Variants in TCERG1L observed in about 807,000 individuals in gnomAD.
TCERG1L encodes the protein transcription elongation regulator 1-like protein.
TCERG1L carries 37 observed loss-of-function variants against 56.3 expected under a neutral mutation model. That is an observed-to-expected ratio of 0.66 (90% CI 0.51 to 0.87). The LOEUF (loss-of-function observed/expected upper bound fraction) is 0.87. TCERG1L is among the 40% of genes least tolerant of loss of function. TCERG1L has a pLI of 0.00. For missense variants in TCERG1L, 799 were observed against 774.2 expected (o/e 1.03, Z -0.38); for synonymous variants, 324 against 326.3 (o/e 0.99, Z 0.08).
At chr10:131,218,119 C>T (rs1025672964) in intron 4 of TCERG1L, among the ~76,000 whole-genome samples, 1 of 152,118 alleles carries the variant, frequency 6.6e-6, no homozygotes, top group Admixed American at 6.5e-5. Context: ...TTGGACACAG[C>T]CCATTTTTTC....
rs58892586 is a variant in TCERG1L, at chr10:131,309,834, C to CAAAAAAAAAA, written c.343-545_343-536dup. On this transcript the variant is annotated intron_variant, in intron 1 of 11. Transcript: ENST00000368642. ...TCACCAATACAAATAGATTCTATGG[C>CAAAAAAAAAA]AAAAAAAAAAAAAAAAAAAAAAAAA... Among the ~76,000 whole-genome samples, 186 of 49,862 alleles carry CAAAAAAAAAA rather than the reference C, an allele frequency of 3.7e-3. 12 individuals are homozygous for CAAAAAAAAAA. Among genetic ancestry groups the CAAAAAAAAAA allele is most frequent in the Non-Finnish European group, 4.6e-3 (132 of 28,718 alleles). 32.7% of individuals were successfully genotyped at this position (49,862 alleles called of 152,430 possible). A position where few individuals can be genotyped will look rare whatever the true frequency, so the allele number is the denominator to read the frequency against.
chr10:131,176,123 T>G (rs1221306201), intron 4 of TCERG1L, among the ~76,000 whole-genome samples: 1 of 152,050 alleles, frequency 6.6e-6, no homozygotes, highest in Admixed American at 6.5e-5. Flanking sequence ...TCCCTCCAAA[T>G]GGGTTGTCAC....
intron 4 of TCERG1L, among the ~76,000 whole-genome samples, chr10:131,191,883 A>AAG (rs1554891549): frequency 7.3e-6 from 1 of 136,138 alleles, no homozygotes; most frequent in Non-Finnish European, 1.6e-5. Context: ...AAAAAAAAAA[A>AAG]AAAAAAGAAA....
chr10:131,137,682 T>C (rs1229933848), intron 7 of TCERG1L, among the ~76,000 whole-genome samples: 1 of 152,208 alleles, frequency 6.6e-6, no homozygotes, highest in Non-Finnish European at 1.5e-5. Context: ...TTAAAGTACA[T>C]GTGTATAATA....
At chr10:131,208,809 G>A (rs1845579687) in intron 4 of TCERG1L, among the ~76,000 whole-genome samples, 1 of 152,170 alleles carries the variant, frequency 6.6e-6, no homozygotes, top group African/African-American at 2.4e-5. Context: ...TGTAATCCCA[G>A]CACTTTGGGA....
intron 4 of TCERG1L, among the ~76,000 whole-genome samples, chr10:131,171,708 T>C (rs1260557979): frequency 8.5e-5 from 13 of 152,314 alleles, no homozygotes; most frequent in Non-Finnish European, 1.9e-4. Context: ...GCAGCTGAGA[T>C]TACAGGCATG....
intron 4 of TCERG1L, among the ~76,000 whole-genome samples, chr10:131,214,475 G>A (rs765135714): frequency 2.0e-5 from 3 of 152,186 alleles, no homozygotes; most frequent in Non-Finnish European, 4.4e-5. Context: ...AAGAAAATTA[G>A]TCTTTCTATA....
At chr10:131,236,935 A>T (rs189276313) in intron 4 of TCERG1L, among the ~76,000 whole-genome samples, 2 of 152,176 alleles carry the variant, frequency 1.3e-5, no homozygotes, top group Admixed American at 1.3e-4. Flanking sequence ...TATTCTCGGT[A>T]GCCAGAGGGA....
intron 2 of TCERG1L, 26 bp from the exon 3 acceptor site, chr10:131,308,417 C>T (rs1323075850): frequency 6.3e-7 from 1 of 1,599,698 alleles, no homozygotes; most frequent in Non-Finnish European, 8.6e-7. Flanking sequence ...GCAAGCATAA[C>T]ACTGAAGGCA....
intron 6 of TCERG1L, among the ~76,000 whole-genome samples, chr10:131,151,283 A>G (rs901612781): frequency 6.6e-6 from 1 of 152,164 alleles, no homozygotes; most frequent in Non-Finnish European, 1.5e-5. Flanking sequence ...CACCTATGAG[A>G]CTGTAAAATC....
intron 4 of TCERG1L, among the ~76,000 whole-genome samples, chr10:131,227,440 T>G (rs1322232399): frequency 6.6e-6 from 1 of 152,156 alleles, no homozygotes; most frequent in Non-Finnish European, 1.5e-5. Context: ...CAGCCCAGCT[T>G]TCCCTGCTGT....
At chr10:131,250,140 G>C (rs934618305) in intron 4 of TCERG1L, among the ~76,000 whole-genome samples, 1 of 152,204 alleles carries the variant, frequency 6.6e-6, no homozygotes, top group African/African-American at 2.4e-5. Flanking sequence ...GCCTGACGGG[G>C]GCTGGCAGAG....
intron 11 of TCERG1L, among the ~76,000 whole-genome samples, chr10:131,093,627 T>TC (rs1845208512): frequency 6.6e-6 from 1 of 152,280 alleles, no homozygotes; most frequent in South Asian, 2.1e-4. Context: ...GCCGCCCCGA[T>TC]CACAGCTTTG....
intron 4 of TCERG1L, among the ~76,000 whole-genome samples, chr10:131,197,841 C>T (rs1265281007): frequency 2.6e-5 from 4 of 152,200 alleles, no homozygotes; most frequent in African/African-American, 9.6e-5. Flanking sequence ...GTTTAAACAA[C>T]TGCAAACATC....
intron 6 of TCERG1L, chr10:131,161,698 G>A (rs1181958936): frequency 2.0e-5 from 3 of 152,212 alleles, no homozygotes; most frequent in Non-Finnish European, 4.4e-5. Context: ...TGACTGGAGG[G>A]CCGTCACTTT....
At chr10:131,111,591 C>A (rs1267636783) in intron 9 of TCERG1L, among the ~76,000 whole-genome samples, 1 of 142,548 alleles carries the variant, frequency 7.0e-6, no homozygotes, top group African/African-American at 2.5e-5. Flanking sequence ...AGGAAGGAAG[C>A]AATCTGTCAC....
intron 4 of TCERG1L, among the ~76,000 whole-genome samples, chr10:131,199,734 C>T (rs1845409092): frequency 6.6e-6 from 1 of 152,190 alleles, no homozygotes; most frequent in Admixed American, 6.5e-5. Flanking sequence ...ACATACCAGG[C>T]ACCATCATCA....
Position 131,101,085 on chromosome 10 carries a change from A to C in TCERG1L, c.1486-2661T>G, listed in dbSNP as rs569971856. Among the ~76,000 whole-genome samples, 6 of 152,354 alleles carry C rather than the reference A, an allele frequency of 3.9e-5. No homozygotes were observed. In the East Asian group the frequency reaches 7.7e-4, roughly 20 times the overall value. On this transcript the variant is annotated intron_variant, in intron 10 of 11. Transcript: ENST00000368642. ...TTTCCCCAGGCAATGGGTACTTAGC[A>C]TGAGCTATATTCTCATCTCATCTAT...
intron 4 of TCERG1L, among the ~76,000 whole-genome samples, chr10:131,181,673 A>T (rs1361717720): frequency 6.6e-6 from 1 of 152,170 alleles, no homozygotes; most frequent in Admixed American, 6.5e-5. Flanking sequence ...CCTGGCCCGG[A>T]GGAGACCTGC....
Sources: gnomAD v4.1 joint callset for allele counts (sites outside exome capture counted in the v4.1 genomes callset) on GRCh38, gnomAD v4.1.1 for gene constraint, MANE v1.5 for transcripts, NCBI Gene and HGNC (gene_info 2026-07-23, HGNC 2026-07-21) for gene names.